The following ZPBP variants were observed in gnomAD, a reference collection of about 807,000 sequenced individuals.
ZPBP encodes zona pellucida-binding protein 1.
ZPBP carries 26 observed loss-of-function variants against 44.8 expected under a neutral mutation model. The observed-to-expected ratio is 0.58, with a 90% confidence interval of 0.43 to 0.81. ZPBP has a LOEUF of 0.81. Among genes scored for constraint, ZPBP ranks in the 30% least tolerant of loss-of-function variants. ZPBP has a pLI of 0.00. For synonymous variants in ZPBP, 174 were observed against 153.2 expected, an observed-to-expected ratio of 1.14 and a Z score of -1.00; for missense variants, 409 against 434.0, an observed-to-expected ratio of 0.94 and a Z score of 0.51.
intron 2 of ZPBP, among the ~76,000 whole-genome samples, chr7:49,895,749 A>G (rs940037181): frequency 6.6e-6 from 1 of 152,024 alleles, no homozygotes; most frequent in Non-Finnish European, 1.5e-5. Context: ...CTTGTAATAT[A>G]TAGCATATAA....
chr7:49,976,918 C>T (rs1322981347), intron 7 of ZPBP, among the ~76,000 whole-genome samples: 1 of 151,768 alleles, frequency 6.6e-6, no homozygotes, highest in Non-Finnish European at 1.5e-5. Flanking sequence ...CTGGCTAACA[C>T]GGTGAAACCC....
At chr7:50,057,903 G>T (rs1801045000) in intron 4 of ZPBP, 86 bp downstream of exon 4, 2 of 1,253,244 alleles carry the variant, frequency 1.6e-6, no homozygotes, top group Non-Finnish European at 2.2e-6. Context: ...AAATAACAAA[G>T]TCCCTTTAAG....
intron 2 of ZPBP, among the ~76,000 whole-genome samples, chr7:49,894,858 G>T (rs1792306344): frequency 6.6e-6 from 1 of 152,194 alleles, no homozygotes; most frequent in Non-Finnish European, 1.5e-5. Flanking sequence ...CCTATCCTGG[G>T]CTAGAGTGTG....
At chr7:50,032,681 T>C (rs1475466496) in intron 4 of ZPBP, among the ~76,000 whole-genome samples, 1 of 152,222 alleles carries the variant, frequency 6.6e-6, no homozygotes, top group Non-Finnish European at 1.5e-5. Context: ...AACTGTCTTC[T>C]TAACCGATGC....
chr7:49,913,977 T>G (rs553155274), intron 1 of ZPBP: 10 of 152,324 alleles, frequency 6.6e-5, no homozygotes, highest in African/African-American at 2.2e-4. Context: ...AGTACATAGA[T>G]TTCATGAAAA....
At chr7:50,018,209 T>A in intron 6 of ZPBP, 31 bp downstream of exon 6, 6 of 1,580,816 alleles carry the variant, frequency 3.8e-6, no homozygotes, top group Non-Finnish European at 5.2e-6. Context: ...TTTAACTTTT[T>A]TTTTCCTTTT....
At chr7:49,947,713 C>A (rs1795162180) in intron 7 of ZPBP, among the ~76,000 whole-genome samples, 1 of 152,234 alleles carries the variant, frequency 6.6e-6, no homozygotes, top group African/African-American at 2.4e-5. Context: ...CACTGCCTAA[C>A]TACCGCTTAT....
intron 1 of ZPBP, among the ~76,000 whole-genome samples, chr7:50,091,306 G>A (rs536638504): frequency 7.2e-5 from 11 of 152,026 alleles, no homozygotes; most frequent in South Asian, 2.1e-4. Context: ...TGACTGTTCC[G>A]TTTGCTGTGC....
At position 49,975,201 on chromosome 7, in the gene ZPBP, G is replaced by A. The variant is rs147114880; in HGVS notation, c.961+8141C>T. ...GGAGCTCCTACCCTCCTCAAGGCCAGAGTGCCAATCCCCAGTCTGAGATTC... is the reference window on the plus strand; with the variant it reads ...GGAGCTCCTACCCTCCTCAAGGCCAAAGTGCCAATCCCCAGTCTGAGATTC... On this transcript the variant is annotated intron_variant, in intron 7 of 7. Coordinates refer to ENST00000046087, the MANE Select transcript of ZPBP (RefSeq NM_007009.3). Among the ~76,000 whole-genome samples the A allele has an allele frequency of 1.4e-3, 208 of 152,258 alleles. 2 individuals are homozygous for A. The highest frequency in any genetic ancestry group is 4.5e-3 in the African/African-American group (187 of 41,560).
chr7:50,053,848 A>T (rs1800804773), intron 4 of ZPBP, among the ~76,000 whole-genome samples: 1 of 152,154 alleles, frequency 6.6e-6, no homozygotes. Context: ...TGTTTTTAAA[A>T]AATAGGCCTA....
At chr7:49,846,684 A>G (rs1227206689), downstream of ZPBP, among the ~76,000 whole-genome samples, 1 of 152,200 alleles carries the variant, frequency 6.6e-6, no homozygotes, top group Non-Finnish European at 1.5e-5. Context: ...TCATCACAGT[A>G]TCCACTGTGC....
intron 2 of ZPBP, among the ~76,000 whole-genome samples, chr7:49,889,002 G>C (rs932885083): frequency 1.2e-4 from 19 of 152,202 alleles, no homozygotes; most frequent in Non-Finnish European, 2.4e-4. Context: ...CCATTGGGCT[G>C]ACGCAAGTAG....
chr7:49,880,897 C>CT (rs1280907354), intron 2 of ZPBP, among the ~76,000 whole-genome samples: 1 of 152,174 alleles, frequency 6.6e-6, no homozygotes, highest in Non-Finnish European at 1.5e-5. Flanking sequence ...GGTTCTCTTA[C>CT]AGAAAAGATT....
chr7:49,872,264 G>A (rs1583720723), intron 2 of ZPBP, among the ~76,000 whole-genome samples: 1 of 152,098 alleles, frequency 6.6e-6, no homozygotes, highest in East Asian at 1.9e-4. Context: ...CTGTTGAAGA[G>A]ACAGTGACTG....
intron 7 of ZPBP, among the ~76,000 whole-genome samples, chr7:49,952,975 G>GA (rs1237186243): frequency 1.3e-5 from 2 of 151,966 alleles, no homozygotes; most frequent in East Asian, 3.9e-4. Flanking sequence ...AATATACATG[G>GA]AAAAAATGGC....
downstream of ZPBP, among the ~76,000 whole-genome samples, chr7:49,846,861 C>T (rs774209413): frequency 2.0e-5 from 3 of 152,208 alleles, no homozygotes; most frequent in African/African-American, 2.4e-5. Flanking sequence ...ATCACTCTGA[C>T]ACCTTGGCAG....
intron 4 of ZPBP, among the ~76,000 whole-genome samples, chr7:50,046,149 A>C (rs1383736069): frequency 6.6e-6 from 1 of 152,246 alleles, no homozygotes; most frequent in Non-Finnish European, 1.5e-5. Context: ...AATTAACTCA[A>C]GATGGATTAA....
At chr7:49,885,714 C>T (rs1791873586) in intron 2 of ZPBP, among the ~76,000 whole-genome samples, 1 of 152,134 alleles carries the variant, frequency 6.6e-6, no homozygotes, top group African/African-American at 2.4e-5. Context: ...CAAGAGTCTA[C>T]GAGGGTGTAA....
At chr7:49,978,953 A>G (rs1796652220) in intron 7 of ZPBP, among the ~76,000 whole-genome samples, 1 of 152,240 alleles carries the variant, frequency 6.6e-6, no homozygotes, top group Admixed American at 6.5e-5. Flanking sequence ...TACAGGAATG[A>G]TAACACAAAG....
Sources: gnomAD v4.1 joint callset for allele counts (sites outside exome capture counted in the v4.1 genomes callset) on GRCh38, gnomAD v4.1.1 for gene constraint, MANE v1.5 for transcripts, NCBI Gene and HGNC (gene_info 2026-07-23, HGNC 2026-07-21) for gene names.